ATR: variants seen among roughly 807,000 people sequenced by gnomAD.
The protein encoded by ATR is serine/threonine-protein kinase ATR.
ATR carries 142 observed loss-of-function variants against 305.3 expected under a neutral mutation model. The ratio of observed to expected loss-of-function variants is 0.47; its 90% confidence interval spans 0.41 to 0.53. The LOEUF is 0.53. Ranked by LOEUF, ATR falls within the 20% of genes least tolerant of loss-of-function variation. The pLI is 0.00. For missense variants in ATR, 2,135 were observed against 3,133.1 expected (o/e 0.68, Z 7.60); for synonymous variants, 1,050 against 1,068.1 (o/e 0.98, Z 0.33).
intron 34 of ATR, among the ~76,000 whole-genome samples, chr3:142,495,910 G>C (rs988244390): frequency 6.6e-6 from 1 of 152,064 alleles, no homozygotes; most frequent in African/African-American, 2.4e-5. Flanking sequence ...CTAGATCAGA[G>C]CTGAATATTT....
intron 30 of ATR, 105 bp from the exon 31 acceptor site, chr3:142,499,823 C>T: frequency 3.3e-6 from 3 of 915,804 alleles, no homozygotes; most frequent in South Asian, 3.0e-5. Context: ...ATTGAATTTG[C>T]ATTATATTGT....
intron 46 of ATR, 105 bp from the exon 47 acceptor site, chr3:142,449,707 C>A: frequency 8.4e-7 from 1 of 1,194,088 alleles, no homozygotes; most frequent in Non-Finnish European, 1.2e-6. Context: ...TTTTACTGAC[C>A]AATACCCCTT....
intron 16 of ATR, among the ~76,000 whole-genome samples, chr3:142,543,623 CCTTT>C (rs1029461884): frequency 1.5e-4 from 22 of 151,322 alleles, no homozygotes; most frequent in Non-Finnish European, 1.9e-4. Flanking sequence ...TTCCTTCCTT[CCTTT>C]CTATTTCTTT....
intron 35 of ATR, among the ~76,000 whole-genome samples, chr3:142,486,640 C>T (rs2030943278): frequency 6.6e-6 from 1 of 152,086 alleles, no homozygotes; most frequent in Non-Finnish European, 1.5e-5. Flanking sequence ...TTCTCTCTCG[C>T]TCCCTTTTTA....
chr3:142,475,290 T>C (rs1455831146), intron 36 of ATR, among the ~76,000 whole-genome samples: 5 of 152,012 alleles, frequency 3.3e-5, no homozygotes, highest in African/African-American at 1.2e-4. Flanking sequence ...GATGTTCCCC[T>C]TCCTGTGTCC....
chr3:142,471,975 A>G (rs539370074), intron 36 of ATR: 1 of 152,258 alleles, frequency 6.6e-6, no homozygotes, highest in East Asian at 1.9e-4. Flanking sequence ...AAGATAATTC[A>G]GTATTAATCT....
chr3:142,505,568 G>A (rs1423281419), intron 28 of ATR, among the ~76,000 whole-genome samples: 1 of 152,072 alleles, frequency 6.6e-6, no homozygotes, highest in African/African-American at 2.4e-5. Context: ...AAGAACCTCA[G>A]GATCCTAAAA....
rs1256338278 is a variant in ATR at position 142,505,318 on chromosome 3, T to TA, written c.5032-16dup. ...GCATACAATTTCTTTGTTCAATGAT[T>TA]AAAAAACAATCAAAAACAAGAAAAA... On this transcript the variant is annotated splice_polypyrimidine_tract_variant and intron_variant, in intron 28 of 46. Transcript: ENST00000350721. 6.2e-7 allele frequency: 1 copy of TA among 1,612,352 alleles called. No individual in the cohort carries two copies. The highest frequency in any genetic ancestry group is 8.5e-7 in the Non-Finnish European group (1 of 1,179,392).
chr3:142,511,917 C>T (rs1559952305), intron 27 of ATR, among the ~76,000 whole-genome samples: 1 of 151,918 alleles, frequency 6.6e-6, no homozygotes, highest in Admixed American at 6.5e-5. Flanking sequence ...AGTTCGAGAC[C>T]AGTCTGGCCA....
At chr3:142,503,213 G>T in intron 30 of ATR, 149 bp downstream of exon 30, 1 of 591,870 alleles carries the variant, frequency 1.7e-6, no homozygotes, top group Non-Finnish European at 3.0e-6. Context: ...AAAAACTTGA[G>T]GAAAAAAAAA....
At chr3:142,575,744 G>A (rs1238611227) in intron 1 of ATR, among the ~76,000 whole-genome samples, 1 of 152,216 alleles carries the variant, frequency 6.6e-6, no homozygotes, top group Non-Finnish European at 1.5e-5. Context: ...ACCATCCAGT[G>A]TTCAGATAGA....
At position 142,451,203 on chromosome 3, in the gene ATR, A is replaced by ACC. The variant is rs1238575792; in HGVS notation, c.7762-1602_7762-1601insGG. ...TTCAACTTGTTGGGGATCGAGGTGCAGTACCACCTGATGCTGCACATCCAG... is the reference window on the plus strand; with the variant it reads ...TTCAACTTGTTGGGGATCGAGGTGCACCGTACCACCTGATGCTGCACATCCAG... On this transcript the variant is annotated intron_variant, in intron 46 of 46. Transcript: ENST00000350721. The ACC allele has an allele frequency of 5.1e-6, 6 of 1,186,596 alleles. No individual in the cohort carries two copies. In the African/African-American group the frequency reaches 9.7e-5, roughly 19 times the overall value. The allele number at this position is 1,186,596 out of a possible 1,614,324, so 73.5% of individuals were successfully genotyped here.
chr3:142,529,656 G>A (rs9683085), intron 21 of ATR, among the ~76,000 whole-genome samples: 95,840 of 151,944 alleles, frequency 0.63, 31,153 homozygotes, highest in African/African-American at 0.8. Flanking sequence ...GTTTAAAACC[G>A]TGTTCTCATA....
chr3:142,550,315 C>G lies in ATR; in HGVS notation c.2806-13G>C. On this transcript the variant is annotated splice_polypyrimidine_tract_variant and intron_variant, in intron 13 of 46. Transcript: ENST00000350721. ...ATTCTACCAAAAACTAGAGCAAAAA[C>G]CATTTTATTGTGAGTTTTCACACAA... 1 of 1,613,210 alleles carries G rather than the reference C, an allele frequency of 6.2e-7. No homozygotes were observed. Among genetic ancestry groups the G allele is most frequent in the Non-Finnish European group, 8.5e-7 (1 of 1,179,270 alleles).
Position 142,560,269 on chromosome 3 carries a change from A to G in ATR, c.1535T>C (p.Met512Thr). 1.9e-6 allele frequency: 3 copies of G among 1,613,722 alleles called. No homozygotes were observed. In the East Asian group the frequency reaches 6.7e-5, roughly 36 times the overall value. The stretch of plus-strand genomic sequence containing the variant: ...AACAAGAAGTTTGTTTTACCAGTTC[A>G]TGTTTTGATGAGAACAATGAACAGT... Reference protein sequence around the residue: ...LCTVHCSHQNMNCRTFKDCQH... With the variant: ...LCTVHCSHQNTNCRTFKDCQH... The change falls in exon 6 of 47, where the codon ATG (methionine) becomes ACG (threonine). Residue 512 changes from methionine to threonine, a missense_variant. Met to Thr is a moderately conservative substitution (Grantham distance 81). Transcript: ENST00000350721.
intron 19 of ATR, among the ~76,000 whole-genome samples, chr3:142,537,691 C>T (rs996272097): frequency 2.0e-5 from 3 of 151,868 alleles, no homozygotes; most frequent in South Asian, 2.1e-4. Context: ...TACTTCAATC[C>T]CAACTTTTCA....
intron 36 of ATR, among the ~76,000 whole-genome samples, chr3:142,472,860 G>A (rs781401194): frequency 3.3e-5 from 5 of 152,056 alleles, no homozygotes; most frequent in Non-Finnish European, 5.9e-5. Flanking sequence ...GGCTGGTCTT[G>A]AACTCCTGGG....
At chr3:142,570,700 A>G (rs1032214554) in intron 1 of ATR, among the ~76,000 whole-genome samples, 1 of 152,052 alleles carries the variant, frequency 6.6e-6, no homozygotes, top group Non-Finnish European at 1.5e-5. Context: ...CTCTATGTTC[A>G]CTTCTAAGAG....
At chr3:142,501,438 A>G (rs1429372795) in intron 30 of ATR, among the ~76,000 whole-genome samples, 1 of 152,230 alleles carries the variant, frequency 6.6e-6, no homozygotes, top group East Asian at 1.9e-4. Context: ...CATCTGACCA[A>G]CAGTGAACTT....
Sources: allele counts gnomAD v4.1 joint callset (sites outside exome capture counted in the v4.1 genomes callset), GRCh38; gene constraint gnomAD v4.1.1; transcripts MANE v1.5; gene names NCBI Gene and HGNC (gene_info 2026-07-23, HGNC 2026-07-21).